The following TP53BP1 variants were observed in gnomAD, a reference collection of about 807,000 sequenced individuals.
The protein encoded by TP53BP1 is tumor protein p53 binding protein 1.
A neutral mutation model predicts 200.8 loss-of-function variants in TP53BP1; 61 were observed. The ratio of observed to expected loss-of-function variants is 0.30; its 90% confidence interval spans 0.25 to 0.38. TP53BP1 has a LOEUF of 0.38. TP53BP1 is among the 10% of genes least tolerant of loss of function. The pLI is 1.00. For missense variants in TP53BP1, 2,144 were observed against 2,371.9 expected (o/e 0.90, Z 2.00); for synonymous variants, 822 against 844.3 (o/e 0.97, Z 0.46).
intron 16 of TP53BP1, among the ~76,000 whole-genome samples, chr15:43,436,412 T>C (rs1219009099): frequency 6.6e-6 from 1 of 152,120 alleles, no homozygotes; most frequent in Non-Finnish European, 1.5e-5. Context: ...CCACTGCCAT[T>C]ACTTATTTCT....
rs34823068 is a variant in TP53BP1, at chr15:43,456,497, T to C, written c.2111A>G (p.Gln704Arg). ...LHLSLTETQSQGLCLQKEMPK... is the reference protein window; with the variant it reads ...LHLSLTETQSRGLCLQKEMPK... Reference sequence around the variant, plus strand: ...CATTTCCTTTTGAAGACACAACCCTTGGGACTGAGTTTCAGTCAGAGAAAG... The same window carrying C: ...CATTTCCTTTTGAAGACACAACCCTCGGGACTGAGTTTCAGTCAGAGAAAG... The change falls in exon 12 of 28, where the codon CAA becomes CGA. Residue 704 changes from glutamine to arginine, a missense_variant. Around this residue, in one of 4 missense-constraint regions of TP53BP1, gnomAD observed 1,700 missense variants for 1,710.3 expected, o/e 0.99. Transcript: ENST00000382044. 3,160 of 1,588,460 alleles carry C rather than the reference T, an allele frequency of 2.0e-3. 45 individuals are homozygous for C. In the African/African-American group the frequency reaches 0.038, roughly 19 times the overall value.
At chr15:43,453,193 CAAAAAAAAAAAA>C (rs34555611) in intron 12 of TP53BP1, among the ~76,000 whole-genome samples, 1 of 41,434 alleles carries the variant, frequency 2.4e-5, no homozygotes, top group East Asian at 8.4e-4. Flanking sequence ...GACTCCGTCT[CAAAAAAAAAAAA>C]AAAAAAAAAA....
At chr15:43,496,299 A>G (rs1489797261), upstream of TP53BP1, among the ~76,000 whole-genome samples, 1 of 152,196 alleles carries the variant, frequency 6.6e-6, no homozygotes, top group African/African-American at 2.4e-5. Context: ...TTTAACTGCT[A>G]TCTTTAAAAC....
At chr15:43,485,744 G>A (rs1440179133) in intron 4 of TP53BP1, among the ~76,000 whole-genome samples, 1 of 151,804 alleles carries the variant, frequency 6.6e-6, no homozygotes, top group Non-Finnish European at 1.5e-5. Context: ...TCAGGAGGCT[G>A]AGGGACAAGG....
In TP53BP1 at chr15:43,479,969, C is replaced by T; in HGVS notation, c.548G>A (p.Ser183Asn). ...CACAGTATTTTCCTCAACATCCTGGCTCTGGGAGAGTTCCAGAACCCCAAA... is the reference window on the plus strand; with the variant it reads ...CACAGTATTTTCCTCAACATCCTGGTTCTGGGAGAGTTCCAGAACCCCAAA... ...LGFGVLELSQSQDVEENTVPY... is the reference protein window; with the variant it reads ...LGFGVLELSQNQDVEENTVPY... The change falls in exon 6 of 28, where the codon AGC becomes AAC. Residue 183 changes from serine to asparagine, a missense_variant. Transcript: ENST00000382044. The T allele has an allele frequency of 6.2e-7, 1 of 1,614,112 alleles. No homozygotes were observed. The highest frequency in any genetic ancestry group is 1.1e-5 in the South Asian group (1 of 91,076).
intron 11 of TP53BP1, among the ~76,000 whole-genome samples, chr15:43,460,580 G>A (rs529425558): frequency 3.9e-5 from 6 of 152,178 alleles, no homozygotes; most frequent in African/African-American, 1.4e-4. Context: ...TGATTTTTAA[G>A]GGAATGAGGA....
At chr15:43,464,669 C>T (rs867529897) in intron 11 of TP53BP1, among the ~76,000 whole-genome samples, 2 of 151,698 alleles carry the variant, frequency 1.3e-5, no homozygotes, top group Admixed American at 6.6e-5. Context: ...TTTGGGAGGC[C>T]GAGACAGGCG....
At chr15:43,493,173 TCACAC>T (rs1213643601), upstream of TP53BP1, 2 of 1,521,916 alleles carry the variant, frequency 1.3e-6, no homozygotes, top group Non-Finnish European at 1.8e-6. Context: ...TCCCGTCACG[TCACAC>T]AATATCGGAT....
chr15:43,424,429 G>A (rs1015245534), intron 18 of TP53BP1, among the ~76,000 whole-genome samples: 1 of 151,986 alleles, frequency 6.6e-6, no homozygotes, highest in Non-Finnish European at 1.5e-5. Context: ...CATTCTCAGT[G>A]GCCTATTTTA....
At chr15:43,475,946 T>C (rs1566958158) in intron 8 of TP53BP1, among the ~76,000 whole-genome samples, 4 of 152,194 alleles carry the variant, frequency 2.6e-5, no homozygotes, top group Non-Finnish European at 5.9e-5. Context: ...GTCCTTTCTG[T>C]CATGATCTAA....
upstream of TP53BP1, among the ~76,000 whole-genome samples, chr15:43,493,882 G>C (rs973475641): frequency 2.6e-5 from 4 of 152,150 alleles, no homozygotes; most frequent in African/African-American, 4.8e-5. Flanking sequence ...CTCCCATTGA[G>C]AGAATTGAGC....
chr15:43,439,179 A>G (rs1481043335), intron 15 of TP53BP1, among the ~76,000 whole-genome samples: 1 of 152,166 alleles, frequency 6.6e-6, no homozygotes, highest in Non-Finnish European at 1.5e-5. Context: ...TTCTGTAGTA[A>G]AATGATTGAG....
At chr15:43,484,846 G>A (rs919974058) in intron 4 of TP53BP1, among the ~76,000 whole-genome samples, 4 of 151,734 alleles carry the variant, frequency 2.6e-5, no homozygotes, top group African/African-American at 9.7e-5. Flanking sequence ...AACCTCCCAG[G>A]CTCAAGCGAT....
In TP53BP1 at chr15:43,407,835, A is replaced by G. The variant is rs911256286; in HGVS notation, c.5746+108T>C. On this transcript the variant is annotated intron_variant, in intron 27 of 27. Coordinates refer to ENST00000382044, the MANE Select transcript of TP53BP1 (RefSeq NM_001141980.3). The stretch of plus-strand genomic sequence containing the variant: ...GTGGTACTTTTCTTCTCTAAGAAAC[A>G]TGGATACGGTCAACCTATTAGGCCT... The G allele has an allele frequency of 4.3e-6, 5 of 1,163,532 alleles. No individual in the cohort carries two copies. In the East Asian group the frequency reaches 9.4e-5, roughly 22 times the overall value. The allele number at this position is 1,163,532 out of a possible 1,614,324, so 72.1% of individuals were successfully genotyped here. A position where few individuals can be genotyped will look rare whatever the true frequency, so the allele number is the denominator to read the frequency against.
chr15:43,496,333 G>A (rs537634247), upstream of TP53BP1, among the ~76,000 whole-genome samples: 43 of 152,118 alleles, frequency 2.8e-4, 1 homozygote, highest in South Asian at 1.9e-3. Context: ...ATTAAGTTGG[G>A]ATCATCTCAT....
intron 13 of TP53BP1, chr15:43,446,905 C>G (rs1388439340): frequency 1.3e-6 from 1 of 770,766 alleles, no homozygotes; most frequent in Admixed American, 2.2e-5. Context: ...TTGTTACCTC[C>G]CAGCACTGAC....
rs1399519922 is a variant in TP53BP1, at chr15:43,468,580, T to C, written c.1389+1278A>G. ...AAAAAAAAAGCTAAAGAAAATGATG[T>C]ATGGTTCGAACATCCATTTCACCTC... On this transcript the variant is annotated intron_variant, in intron 11 of 27. Transcript: ENST00000382044. Among the ~76,000 whole-genome samples the C allele has an allele frequency of 2.6e-5, 4 of 151,830 alleles. 1 individual carries two copies. Among genetic ancestry groups the C allele is most frequent in the Admixed American group, 2.6e-4 (4 of 15,226 alleles).
At chr15:43,464,945 A>G (rs889907313) in intron 11 of TP53BP1, among the ~76,000 whole-genome samples, 12 of 152,058 alleles carry the variant, frequency 7.9e-5, no homozygotes, top group African/African-American at 2.9e-4. Flanking sequence ...ATAAAAAAGG[A>G]ATGAAATTCT....
intron 4 of TP53BP1, among the ~76,000 whole-genome samples, chr15:43,484,756 G>GTT (rs397951213): frequency 4.6e-4 from 66 of 145,012 alleles, no homozygotes; most frequent in African/African-American, 1.5e-3. Context: ...CTTGTTTTTT[G>GTT]TTTTTTTTTT....
Sources: gnomAD v4.1 joint callset for allele counts (sites outside exome capture counted in the v4.1 genomes callset) on GRCh38, gnomAD v4.1.1 for gene constraint, gnomAD v4.1.1 regional missense constraint, MANE v1.5 for transcripts, NCBI Gene and HGNC (gene_info 2026-07-23, HGNC 2026-07-21) for gene names.